The following ANO4 variants were observed in gnomAD, a reference collection of about 807,000 sequenced individuals.
ANO4 encodes anoctamin-4.
ANO4 carries 69 observed loss-of-function variants against 141.9 expected under a neutral mutation model. The observed-to-expected ratio is 0.49, with a 90% CI of 0.40 to 0.59. The LOEUF (loss-of-function observed/expected upper bound fraction) is 0.59, where lower values mean the gene tolerates loss of function less well. ANO4 is among the 20% of genes least tolerant of loss of function. The pLI, the probability that ANO4 is intolerant of heterozygous loss-of-function variation, is 0.00. For missense variants in ANO4, 894 were observed against 1,162.2 expected, an observed-to-expected ratio of 0.77 and a Z score of 3.36; for synonymous variants, 350 against 394.3, an observed-to-expected ratio of 0.89 and a Z score of 1.33.
At chr12:101,010,560 A>G (rs1321906792) in intron 8 of ANO4, among the ~76,000 whole-genome samples, 2 of 152,178 alleles carry the variant, frequency 1.3e-5, no homozygotes, top group Admixed American at 1.3e-4. Context: ...GCAGTTGCCT[A>G]AGGCCCAGAA....
At chr12:101,001,914 TCTCACTTCCCACTTTC>T (rs1256117966) in intron 8 of ANO4, among the ~76,000 whole-genome samples, 12 of 152,084 alleles carry the variant, frequency 7.9e-5, no homozygotes, top group African/African-American at 1.2e-4. Context: ...ACCTGATTCT[TCTCACTTCCCACTTTC>T]CTCACCCCTG....
chr12:100,951,189 A>G (rs533653599), intron 5 of ANO4, among the ~76,000 whole-genome samples: 1 of 152,326 alleles, frequency 6.6e-6, no homozygotes, highest in South Asian at 2.1e-4. Flanking sequence ...AAAAAATAAC[A>G]GATGTTGGCA....
intron 7 of ANO4, among the ~76,000 whole-genome samples, chr12:100,986,151 G>A (rs1414357741): frequency 6.6e-6 from 1 of 152,102 alleles, no homozygotes; most frequent in African/African-American, 2.4e-5. Context: ...AGTGCTCCTG[G>A]TTCTCTGGCC....
At chr12:101,070,238 G>A (rs767244925) in intron 14 of ANO4, among the ~76,000 whole-genome samples, 1 of 151,946 alleles carries the variant, frequency 6.6e-6, no homozygotes, top group Non-Finnish European at 1.5e-5. Flanking sequence ...AACAAAACTG[G>A]AGGAATCACA....
chr12:100,890,522 G>C (rs147700639), intron 1 of ANO4, among the ~76,000 whole-genome samples: 1 of 152,296 alleles, frequency 6.6e-6, no homozygotes, highest in East Asian at 1.9e-4. Context: ...ATATGGGTAT[G>C]AAATTTTTAG....
At chr12:101,010,259 T>C (rs1041982086) in intron 8 of ANO4, among the ~76,000 whole-genome samples, 3 of 152,172 alleles carry the variant, frequency 2.0e-5, no homozygotes, top group Non-Finnish European at 2.9e-5. Context: ...TGCAAATGTT[T>C]AATTTTCCAT....
chr12:101,012,880 G>A (rs1327406077), intron 8 of ANO4, among the ~76,000 whole-genome samples: 1 of 152,138 alleles, frequency 6.6e-6, no homozygotes, highest in African/African-American at 2.4e-5. Flanking sequence ...TGGATTGGAT[G>A]TTGGGCATAA....
chr12:100,981,246 C>A (rs1164566156), intron 7 of ANO4, among the ~76,000 whole-genome samples: 1 of 152,074 alleles, frequency 6.6e-6, no homozygotes, highest in Non-Finnish European at 1.5e-5. Flanking sequence ...CAAATAGTAC[C>A]CCTGTGACCT....
chr12:100,839,669 A>G (rs1169252025), intron 1 of ANO4, among the ~76,000 whole-genome samples: 1 of 152,144 alleles, frequency 6.6e-6, no homozygotes, highest in East Asian at 1.9e-4. Context: ...TGCTGGAGTT[A>G]AGAGAAGTGA....
At chr12:100,831,402 G>C (rs1263949119) in intron 1 of ANO4, among the ~76,000 whole-genome samples, 2 of 152,084 alleles carry the variant, frequency 1.3e-5, no homozygotes, top group African/African-American at 4.8e-5. Context: ...TTCTGTTTTT[G>C]AACAGGTTAT....
upstream of ANO4, among the ~76,000 whole-genome samples, chr12:100,789,911 G>T (rs939913193): frequency 2.6e-5 from 4 of 152,196 alleles, no homozygotes; most frequent in African/African-American, 9.7e-5. Flanking sequence ...ATTTAGCACA[G>T]TGTTATCTGC....
At chr12:101,036,529 A>G (rs1418074655) in intron 9 of ANO4, among the ~76,000 whole-genome samples, 1 of 152,184 alleles carries the variant, frequency 6.6e-6, no homozygotes, top group Admixed American at 6.5e-5. Flanking sequence ...AAAAAGAAGA[A>G]AATCCTGCCA....
intron 5 of ANO4, among the ~76,000 whole-genome samples, chr12:100,970,115 T>G (rs558573655): frequency 6.6e-6 from 1 of 152,286 alleles, no homozygotes; most frequent in African/African-American, 2.4e-5. Flanking sequence ...TTCAAAAAGC[T>G]TTGCCAGTCA....
At chr12:100,899,906 T>C (rs1287117491) in intron 1 of ANO4, among the ~76,000 whole-genome samples, 1 of 152,182 alleles carries the variant, frequency 6.6e-6, no homozygotes, top group East Asian at 1.9e-4. Flanking sequence ...TAAAGAAACC[T>C]GAGACTCAGA....
chr12:100,820,949 AT>A (rs1458552622), intron 1 of ANO4, among the ~76,000 whole-genome samples: 22 of 151,884 alleles, frequency 1.4e-4, no homozygotes, highest in African/African-American at 4.8e-4. Flanking sequence ...CTTGTATCTT[AT>A]TTTTGTTGGT....
intron 9 of ANO4, among the ~76,000 whole-genome samples, chr12:101,030,681 G>C (rs1566149043): frequency 6.6e-6 from 1 of 151,402 alleles, no homozygotes; most frequent in Non-Finnish European, 1.5e-5. Flanking sequence ...ACCAGGAACT[G>C]TTTTTTTGAA....
chr12:100,719,528 G>GT lies in ANO4; in HGVS notation c.22+1984dup, dbSNP rs143039306. Among the ~76,000 whole-genome samples the GT allele has an allele frequency of 1.9e-3, 284 of 152,258 alleles. 1 individual carries two copies. Among genetic ancestry groups the GT allele is most frequent in the East Asian group, 4.2e-3 (22 of 5,188 alleles). The stretch of plus-strand genomic sequence containing the variant: ...CCCCTGTCAATTCTGTTGGATTTGG[G>GT]TTTAGGCATCATGATGGGGGATGAT... On this transcript the variant is annotated intron_variant, in intron 1 of 29. Transcript: ENST00000644049.
chr12:100,917,804 G>C (rs2041415899), intron 2 of ANO4, among the ~76,000 whole-genome samples: 1 of 152,130 alleles, frequency 6.6e-6, no homozygotes, highest in Non-Finnish European at 1.5e-5. Flanking sequence ...CTCTATGTGT[G>C]ATCATAATGT....
intron 1 of ANO4, among the ~76,000 whole-genome samples, chr12:100,864,740 GT>G (rs1431241560): frequency 2.0e-5 from 3 of 152,080 alleles, no homozygotes; most frequent in Non-Finnish European, 4.4e-5. Flanking sequence ...GAACGTGCAG[GT>G]TTGTTACATA....
Sources: allele counts gnomAD v4.1 joint callset (sites outside exome capture counted in the v4.1 genomes callset), GRCh38; gene constraint gnomAD v4.1.1; transcripts MANE v1.5; gene names NCBI Gene and HGNC (gene_info 2026-07-23, HGNC 2026-07-21).